SERGEF: variants seen among roughly 807,000 people sequenced by gnomAD.
The protein encoded by SERGEF is secretion-regulating guanine nucleotide exchange factor.
Under a neutral mutation model 50.0 loss-of-function variants are expected in SERGEF, and 51 were observed. The ratio of observed to expected loss-of-function variants is 1.02; its 90% confidence interval spans 0.81 to 1.29. The LOEUF (loss-of-function observed/expected upper bound fraction) is 1.29. Ranked by LOEUF, SERGEF falls within the 50% of genes most tolerant of loss-of-function variation. SERGEF has a pLI of 0.00. For synonymous variants in SERGEF, 205 were observed against 212.4 expected (o/e 0.97, Z 0.30); for missense variants, 521 against 557.0 (o/e 0.94, Z 0.65).
intron 8 of SERGEF, among the ~76,000 whole-genome samples, chr11:17,979,261 C>T (rs1853443231): frequency 6.6e-6 from 1 of 152,218 alleles, no homozygotes; most frequent in African/African-American, 2.4e-5. Flanking sequence ...GCCAGGATTC[C>T]TCGCAAACCT....
rs562026394 is a variant in SERGEF at position 17,830,570 on chromosome 11, G to C, written c.1049-42157C>G. On this transcript the variant is annotated intron_variant, in intron 10 of 10. Coordinates refer to ENST00000265965, the MANE Select transcript of SERGEF (RefSeq NM_012139.4). ...AGAGAGAGGGAGAGAGAGAGGAAGA[G>C]AGGGAGAGAGATGGGGAGAGGGAGA... 3.3e-5 allele frequency among the ~76,000 whole-genome samples: 5 copies of C among 150,242 alleles called. No homozygotes were observed. In the East Asian group the frequency reaches 7.9e-4, roughly 24 times the overall value.
Position 17,896,770 on chromosome 11 carries a change from G to GTAAGGGAAGGA in SERGEF, c.1012-18527_1012-18526insTCCTTCCCTTA, listed in dbSNP as rs1565198058. ...AACGGAAGGGTAAGGGAAGGGAAGGGTAAGGGAAGGGTAAGGGAAGGGTAA... is the reference window on the plus strand; with the variant it reads ...AACGGAAGGGTAAGGGAAGGGAAGGGTAAGGGAAGGATAAGGGAAGGGTAAGGGAAGGGTAA... On this transcript the variant is annotated intron_variant, in intron 9 of 10. Coordinates refer to ENST00000265965, the MANE Select transcript of SERGEF (RefSeq NM_012139.4). 7.4e-4 allele frequency among the ~76,000 whole-genome samples: 89 copies of GTAAGGGAAGGA among 120,510 alleles called. 1 individual carries two copies. The highest frequency in any genetic ancestry group is 1.3e-3 in the Non-Finnish European group (69 of 54,952). 79.1% of individuals were successfully genotyped at this position (120,510 alleles called of 152,430 possible). A position where few individuals can be genotyped will look rare whatever the true frequency, so the allele number is the denominator to read the frequency against.
chr11:17,897,309 T>C (rs1418369040), intron 9 of SERGEF, among the ~76,000 whole-genome samples: 1 of 152,014 alleles, frequency 6.6e-6, no homozygotes, highest in East Asian at 1.9e-4. Context: ...TTCCCTAGAG[T>C]CTCCAGGTAA....
chr11:17,835,810 G>T (rs1366475791), intron 10 of SERGEF, among the ~76,000 whole-genome samples: 1 of 152,196 alleles, frequency 6.6e-6, no homozygotes, highest in East Asian at 1.9e-4. Flanking sequence ...ACAGATGCAG[G>T]TTCTGTTTTT....
At chr11:17,989,861 T>A (rs1590236616) in intron 7 of SERGEF, among the ~76,000 whole-genome samples, 1 of 152,220 alleles carries the variant, frequency 6.6e-6, no homozygotes, top group South Asian at 2.1e-4. Flanking sequence ...ATGGGTTACA[T>A]GTTGAAATAA....
chr11:17,892,651 C>T (rs946763159), intron 9 of SERGEF, among the ~76,000 whole-genome samples: 1 of 152,204 alleles, frequency 6.6e-6, no homozygotes, highest in Non-Finnish European at 1.5e-5. Flanking sequence ...CTTAAAACAT[C>T]CACTAACATT....
rs914977931 is a variant in SERGEF, at chr11:17,796,414, T to G, written c.1049-8001A>C. On this transcript the variant is annotated intron_variant, in intron 10 of 10. Transcript: ENST00000265965. ...CAACAGTGTTGAGAAGCGGGACCTT[T>G]AAGAGGCAATCAGGTCATGAGGGCT... Among the ~76,000 whole-genome samples, 232 of 152,324 alleles carry G rather than the reference T, an allele frequency of 1.5e-3. 1 individual carries two copies. Among genetic ancestry groups the G allele is most frequent in the Middle Eastern group, 6.8e-3 (2 of 294 alleles).
intron 10 of SERGEF, among the ~76,000 whole-genome samples, chr11:17,809,662 G>A (rs555624948): frequency 2.8e-4 from 42 of 152,164 alleles, no homozygotes; most frequent in Admixed American, 5.2e-4. Context: ...GCAGTGGGAC[G>A]CAGAAGAGGG....
At chr11:17,988,453 G>A in intron 8 of SERGEF, 144 bp downstream of exon 8, 2 of 720,876 alleles carry the variant, frequency 2.8e-6, no homozygotes, top group East Asian at 3.0e-5. Flanking sequence ...TATCTGGCTG[G>A]TGGCAGAACT....
intron 9 of SERGEF, among the ~76,000 whole-genome samples, chr11:17,922,323 T>C (rs1300063612): frequency 1.3e-5 from 2 of 152,148 alleles, no homozygotes; most frequent in African/African-American, 2.4e-5. Context: ...GGCCAGCCTA[T>C]ATTGTTTTAG....
chr11:17,986,696 A>G (rs930332412), intron 8 of SERGEF, among the ~76,000 whole-genome samples: 1 of 152,256 alleles, frequency 6.6e-6, no homozygotes, highest in Non-Finnish European at 1.5e-5. Flanking sequence ...ACAGACAACC[A>G]AATTCACCAC....
At chr11:17,962,870 G>A (rs917917352) in intron 8 of SERGEF, among the ~76,000 whole-genome samples, 4 of 152,126 alleles carry the variant, frequency 2.6e-5, no homozygotes, top group Middle Eastern at 3.4e-3. Flanking sequence ...CAGCGTGAGG[G>A]GATGAGCAAA....
At chr11:17,956,083 A>C (rs1471675711) in intron 9 of SERGEF, among the ~76,000 whole-genome samples, 1 of 152,212 alleles carries the variant, frequency 6.6e-6, no homozygotes, top group Non-Finnish European at 1.5e-5. Flanking sequence ...CCAGTATCTA[A>C]GGTAAAACTG....
intron 7 of SERGEF, among the ~76,000 whole-genome samples, chr11:17,990,860 G>A (rs1363074624): frequency 4.0e-5 from 6 of 151,222 alleles, no homozygotes; most frequent in South Asian, 2.1e-4. Flanking sequence ...TCCGTCACCC[G>A]GGTTCATGCA....
At chr11:18,004,818 T>G (rs1854040045) in intron 3 of SERGEF, among the ~76,000 whole-genome samples, 1 of 152,218 alleles carries the variant, frequency 6.6e-6, no homozygotes, top group Non-Finnish European at 1.5e-5. Flanking sequence ...AATTTTTCAT[T>G]TTTCATGTTT....
chr11:17,912,950 G>T (rs1348625081), intron 9 of SERGEF, among the ~76,000 whole-genome samples: 1 of 152,218 alleles, frequency 6.6e-6, no homozygotes, highest in Non-Finnish European at 1.5e-5. Context: ...TAGGACTGCT[G>T]TGAGATTCCA....
intron 10 of SERGEF, among the ~76,000 whole-genome samples, chr11:17,850,543 G>C (rs1850692974): frequency 6.6e-6 from 1 of 152,188 alleles, no homozygotes. Context: ...AAGATCCTCT[G>C]TCACTTAAAG....
intron 10 of SERGEF, among the ~76,000 whole-genome samples, chr11:17,822,106 T>C (rs549827237): frequency 6.6e-6 from 1 of 152,292 alleles, no homozygotes; most frequent in African/African-American, 2.4e-5. Context: ...ATTGTTTAAT[T>C]AAACAGAGAC....
At chr11:17,847,588 A>G (rs1053516257) in intron 10 of SERGEF, among the ~76,000 whole-genome samples, 2 of 152,220 alleles carry the variant, frequency 1.3e-5, no homozygotes, top group Non-Finnish European at 2.9e-5. Context: ...ACAGAAGAGG[A>G]GCCCAATAAT....
Sources: allele counts gnomAD v4.1 joint callset (sites outside exome capture counted in the v4.1 genomes callset), GRCh38; gene constraint gnomAD v4.1.1; transcripts MANE v1.5; gene names NCBI Gene and HGNC (gene_info 2026-07-23, HGNC 2026-07-21).